Variants in FNDC3A observed in about 807,000 individuals in gnomAD.
FNDC3A encodes the protein fibronectin type-III domain-containing protein 3A.
FNDC3A carries 32 observed loss-of-function variants against 148.9 expected under a neutral mutation model. That is an observed-to-expected ratio of 0.21 (90% CI 0.16 to 0.29). The LOEUF (loss-of-function observed/expected upper bound fraction) is 0.29, where lower values mean the gene tolerates loss of function less well. Among genes scored for constraint, FNDC3A ranks in the 10% least tolerant of loss-of-function variants. FNDC3A has a pLI of 1.00. For synonymous variants in FNDC3A, 472 were observed against 473.6 expected, an observed-to-expected ratio of 1.00 and a Z score of 0.04; for missense variants, 1,191 against 1,452.8, an observed-to-expected ratio of 0.82 and a Z score of 2.93.
rs189203065 is a variant in FNDC3A, at chr13:49,122,735, A to C, written c.252+8004A>C. On this transcript the variant is annotated intron_variant, in intron 4 of 25. Transcript: ENST00000492622. ...AAACAGAGAGCCAAATCATGAGTGA[A>C]CTCCCGTTCAAAATTGCTACAAAGA... Among the ~76,000 whole-genome samples, 9 of 152,282 alleles carry C rather than the reference A, an allele frequency of 5.9e-5. No individual in the cohort carries two copies. In the East Asian group the frequency reaches 1.7e-3, roughly 29 times the overall value.
intron 3 of FNDC3A, among the ~76,000 whole-genome samples, chr13:49,105,242 G>A (rs1358302896): frequency 1.3e-5 from 2 of 152,138 alleles, no homozygotes; most frequent in African/African-American, 4.8e-5. Context: ...TGCCTGGCTG[G>A]TAGGAATATA....
chr13:49,002,249 G>A (rs1361733887), intron 1 of FNDC3A, among the ~76,000 whole-genome samples: 2 of 152,210 alleles, frequency 1.3e-5, no homozygotes, highest in Non-Finnish European at 2.9e-5. Flanking sequence ...GATCTTAAAG[G>A]AAAAGCTTTC....
chr13:49,107,293 A>G (rs1045268399), intron 3 of FNDC3A, among the ~76,000 whole-genome samples: 3 of 152,226 alleles, frequency 2.0e-5, no homozygotes, highest in Non-Finnish European at 4.4e-5. Context: ...ATGTTAGAAA[A>G]TAGAGTTACT....
chr13:49,009,225 T>C (rs1157097012), intron 2 of FNDC3A, among the ~76,000 whole-genome samples: 1 of 152,234 alleles, frequency 6.6e-6, no homozygotes, highest in Non-Finnish European at 1.5e-5. Context: ...ATACAGTATG[T>C]AGCCCTTTCA....
chr13:49,180,554 T>C (rs146189780), intron 14 of FNDC3A, among the ~76,000 whole-genome samples: 2 of 152,320 alleles, frequency 1.3e-5, no homozygotes, highest in East Asian at 3.9e-4. Context: ...TATTTTTGCT[T>C]CATTAATGAA....
At chr13:49,056,971 A>T (rs1876297124) in intron 2 of FNDC3A, among the ~76,000 whole-genome samples, 2 of 152,112 alleles carry the variant, frequency 1.3e-5, no homozygotes, top group Non-Finnish European at 2.9e-5. Flanking sequence ...TTCATGATTT[A>T]TATTTTGATA....
intron 3 of FNDC3A, among the ~76,000 whole-genome samples, chr13:49,080,849 A>T (rs984580711): frequency 1.3e-5 from 2 of 148,578 alleles, no homozygotes; most frequent in Admixed American, 6.7e-5. Flanking sequence ...TCCTGATGAC[A>T]AATTGGTTCC....
intron 1 of FNDC3A, among the ~76,000 whole-genome samples, chr13:48,979,600 C>G (rs1237739906): frequency 6.6e-6 from 1 of 152,070 alleles, no homozygotes; most frequent in East Asian, 1.9e-4. Context: ...ATAGGCAGAG[C>G]TGGACAAGAC....
At chr13:49,097,722 G>T (rs772287440) in intron 3 of FNDC3A, among the ~76,000 whole-genome samples, 28 of 152,024 alleles carry the variant, frequency 1.8e-4, no homozygotes, top group Admixed American at 1.5e-3. Flanking sequence ...AATTAGGTGT[G>T]GGTGTGTTTT....
intron 1 of FNDC3A, among the ~76,000 whole-genome samples, chr13:48,981,229 A>T (rs1951688534): frequency 6.6e-6 from 1 of 152,128 alleles, no homozygotes; most frequent in Non-Finnish European, 1.5e-5. Context: ...ACAAGAGGTA[A>T]ATTAAAGTAC....
At chr13:49,102,049 G>C (rs568060174) in intron 3 of FNDC3A, among the ~76,000 whole-genome samples, 1 of 151,950 alleles carries the variant, frequency 6.6e-6, no homozygotes, top group South Asian at 2.1e-4. Flanking sequence ...TTTTGCCCAG[G>C]CTGGTCTCTA....
intron 1 of FNDC3A, among the ~76,000 whole-genome samples, chr13:48,998,769 C>CA (rs1952070403): frequency 6.6e-6 from 1 of 152,122 alleles, no homozygotes; most frequent in African/African-American, 2.4e-5. Context: ...AAGAGAACAT[C>CA]AAAGGGGTGG....
chr13:49,027,700 A>C (rs1464953580), intron 2 of FNDC3A, among the ~76,000 whole-genome samples: 1 of 152,154 alleles, frequency 6.6e-6, no homozygotes, highest in Non-Finnish European at 1.5e-5. Flanking sequence ...AATAACTCAA[A>C]AGAATATTGT....
chr13:49,188,733 T>C (rs1215438525), intron 17 of FNDC3A, 100 bp downstream of exon 17: 1 of 758,800 alleles, frequency 1.3e-6, no homozygotes, highest in African/African-American at 1.7e-5. Context: ...TATCCACAAA[T>C]GGAGAAAAGT....
intron 8 of FNDC3A, among the ~76,000 whole-genome samples, chr13:49,156,473 C>A (rs1426532962): frequency 6.6e-6 from 1 of 150,822 alleles, no homozygotes; most frequent in East Asian, 2.0e-4. Context: ...ACTCTTTATC[C>A]AATTTGCCAG....
chr13:49,144,924 A>G (rs17477129), intron 7 of FNDC3A, among the ~76,000 whole-genome samples: 22,003 of 152,064 alleles, frequency 0.14, 2,168 homozygotes, highest in Non-Finnish European at 0.21. Context: ...ATGTTAGCGC[A>G]TGTATGTCCA....
intron 25 of FNDC3A, among the ~76,000 whole-genome samples, chr13:49,205,243 T>G (rs1886595322): frequency 6.6e-6 from 1 of 152,222 alleles, no homozygotes. Flanking sequence ...AGGTTTTTCT[T>G]TCTTAACCTA....
At chr13:49,194,470 G>A (rs1886050134) in intron 19 of FNDC3A, among the ~76,000 whole-genome samples, 1 of 152,118 alleles carries the variant, frequency 6.6e-6, no homozygotes, top group Non-Finnish European at 1.5e-5. Context: ...CTTGCCATCT[G>A]GGATTTTTGG....
intron 1 of FNDC3A, among the ~76,000 whole-genome samples, chr13:48,981,977 G>A (rs9596047): frequency 0.03 from 4,609 of 152,150 alleles, 79 homozygotes; most frequent in Middle Eastern, 0.058. Context: ...ATTCTAAACC[G>A]ACAGACACAT....
Sources: allele counts gnomAD v4.1 joint callset (sites outside exome capture counted in the v4.1 genomes callset), GRCh38; gene constraint gnomAD v4.1.1; transcripts MANE v1.5; gene names NCBI Gene and HGNC (gene_info 2026-07-23, HGNC 2026-07-21).